GALNTL6: variants seen among roughly 807,000 people sequenced by gnomAD.
GALNTL6 encodes the protein polypeptide N-acetylgalactosaminyltransferase-like 6.
Under a neutral mutation model 73.7 loss-of-function variants are expected in GALNTL6, and 46 were observed. That is an observed-to-expected ratio of 0.62 (90% CI 0.49 to 0.80). The LOEUF is 0.80. Ranked by LOEUF, GALNTL6 falls within the 30% of genes least tolerant of loss-of-function variation. GALNTL6 has a pLI of 0.00. For synonymous variants in GALNTL6, 259 were observed against 263.7 expected (o/e 0.98, Z 0.17); for missense variants, 604 against 755.0 (o/e 0.80, Z 2.34).
intron 5 of GALNTL6, among the ~76,000 whole-genome samples, chr4:172,654,022 T>C (rs989076130): frequency 6.6e-6 from 1 of 152,168 alleles, no homozygotes; most frequent in South Asian, 2.1e-4. Context: ...CACATACTCT[T>C]TTCTCTCTTT....
At chr4:172,844,223 C>CA (rs1322007955) in intron 7 of GALNTL6, among the ~76,000 whole-genome samples, 1 of 152,162 alleles carries the variant, frequency 6.6e-6, no homozygotes, top group Non-Finnish European at 1.5e-5. Context: ...TAACGTTTTC[C>CA]ACGGTGGGAA....
At chr4:172,981,796 CTTTTT>C (rs56273122) in intron 10 of GALNTL6, among the ~76,000 whole-genome samples, 2 of 101,808 alleles carry the variant, frequency 2.0e-5, no homozygotes, top group African/African-American at 3.7e-5. Flanking sequence ...GTATGAACGT[CTTTTT>C]TTTTTTTTTT....
chr4:172,125,024 C>A (rs551481050), intron 2 of GALNTL6, among the ~76,000 whole-genome samples: 2 of 151,734 alleles, frequency 1.3e-5, no homozygotes, highest in East Asian at 3.9e-4. Context: ...GAGTTAAGAC[C>A]GAAGAAAAAA....
chr4:172,728,760 A>C (rs1735979754), intron 5 of GALNTL6, among the ~76,000 whole-genome samples: 1 of 152,196 alleles, frequency 6.6e-6, no homozygotes, highest in African/African-American at 2.4e-5. Context: ...ATTGCTAGAC[A>C]ATATGAAAGT....
At chr4:171,959,223 A>T (rs1739144054) in intron 2 of GALNTL6, among the ~76,000 whole-genome samples, 1 of 151,632 alleles carries the variant, frequency 6.6e-6, no homozygotes, top group African/African-American at 2.4e-5. Flanking sequence ...AAATGCAGGA[A>T]TTTTTTTTTG....
intron 2 of GALNTL6, among the ~76,000 whole-genome samples, chr4:171,830,549 A>G (rs550673390): frequency 6.6e-6 from 1 of 152,304 alleles, no homozygotes; most frequent in East Asian, 1.9e-4. Flanking sequence ...AATATCATAT[A>G]GGTACTGCCA....
intron 2 of GALNTL6, among the ~76,000 whole-genome samples, chr4:171,919,813 T>G (rs61301709): frequency 6.6e-6 from 1 of 152,156 alleles, no homozygotes; most frequent in African/African-American, 2.4e-5. Context: ...CCTCTGGGAC[T>G]GTAAACTAGT....
intron 2 of GALNTL6, among the ~76,000 whole-genome samples, chr4:172,128,251 AGGCTAATTGCTAT>A (rs1323764774): frequency 2.0e-5 from 3 of 152,172 alleles, no homozygotes; most frequent in Non-Finnish European, 4.4e-5. Flanking sequence ...AAAGGCATTT[AGGCTAATTGCTAT>A]ATTTTTTAAT....
intron 5 of GALNTL6, among the ~76,000 whole-genome samples, chr4:172,761,701 C>G (rs568129284): frequency 2.0e-5 from 3 of 150,006 alleles, no homozygotes; most frequent in African/African-American, 5.0e-5. Flanking sequence ...CTCTCTTTCT[C>G]TCTCTCCTGC....
intron 2 of GALNTL6, among the ~76,000 whole-genome samples, chr4:172,122,432 G>A (rs946256882): frequency 3.3e-5 from 5 of 152,106 alleles, no homozygotes; most frequent in Admixed American, 2.6e-4. Context: ...TATGGCACCA[G>A]GCAGTTTGGT....
At chr4:171,960,397 C>T (rs919753528) in intron 2 of GALNTL6, among the ~76,000 whole-genome samples, 13 of 152,010 alleles carry the variant, frequency 8.6e-5, no homozygotes, top group African/African-American at 3.1e-4. Context: ...CTGTCTCAGC[C>T]TCCCGAGTAA....
intron 5 of GALNTL6, among the ~76,000 whole-genome samples, chr4:172,769,387 G>A (rs1314652608): frequency 1.3e-5 from 2 of 152,104 alleles, no homozygotes; most frequent in Non-Finnish European, 2.9e-5. Context: ...AGAGGACTTG[G>A]CAATTGCAAA....
At chr4:172,482,182 G>C (rs946480097) in intron 5 of GALNTL6, among the ~76,000 whole-genome samples, 1 of 152,186 alleles carries the variant, frequency 6.6e-6, no homozygotes, top group Non-Finnish European at 1.5e-5. Flanking sequence ...GACCTGCCGA[G>C]CCCACACCCA....
At chr4:172,690,498 A>T (rs1347392098) in intron 5 of GALNTL6, among the ~76,000 whole-genome samples, 1 of 152,198 alleles carries the variant, frequency 6.6e-6, no homozygotes, top group Non-Finnish European at 1.5e-5. Flanking sequence ...TAATAAACAT[A>T]CAACAATAAA....
chr4:172,890,135 TTC>T (rs1745951134), intron 8 of GALNTL6, among the ~76,000 whole-genome samples: 2 of 152,168 alleles, frequency 1.3e-5, no homozygotes, highest in South Asian at 4.1e-4. Context: ...TACTTGGATC[TTC>T]TCTCTTTTTT....
intron 5 of GALNTL6, among the ~76,000 whole-genome samples, chr4:172,745,446 T>TATATATATATATATATATATACACAC (rs34523518): frequency 3.0e-4 from 44 of 145,308 alleles, no homozygotes; most frequent in African/African-American, 9.7e-4. Flanking sequence ...TATATATATG[T>TATATATATATATATATATATACACAC]ACACATAACT....
chr4:172,953,411 C>T (rs929443315), intron 10 of GALNTL6, among the ~76,000 whole-genome samples: 5 of 152,182 alleles, frequency 3.3e-5, no homozygotes, highest in African/African-American at 1.2e-4. Context: ...CTTCTCCAGC[C>T]TTTCAGAAAT....
At chr4:172,240,226 T>C (rs1479703374) in intron 3 of GALNTL6, among the ~76,000 whole-genome samples, 3 of 151,644 alleles carry the variant, frequency 2.0e-5, no homozygotes, top group Non-Finnish European at 2.9e-5. Flanking sequence ...TTTTGTTTGT[T>C]TGTTTGTTTG....
intron 2 of GALNTL6, among the ~76,000 whole-genome samples, chr4:171,827,762 G>A (rs922596427): frequency 2.6e-5 from 4 of 151,826 alleles, no homozygotes; most frequent in Admixed American, 2.0e-4. Flanking sequence ...CACTGTCTTC[G>A]GTACCTTCAT....
Sources: allele counts gnomAD v4.1 joint callset (sites outside exome capture counted in the v4.1 genomes callset), GRCh38; gene constraint gnomAD v4.1.1; transcripts MANE v1.5; gene names NCBI Gene and HGNC (gene_info 2026-07-23, HGNC 2026-07-21).